The following BICD1 variants were observed in gnomAD, a reference collection of about 807,000 sequenced individuals.
The protein encoded by BICD1 is BICD cargo adaptor 1.
BICD1 carries 35 observed loss-of-function variants against 92.5 expected under a neutral mutation model. The observed-to-expected ratio is 0.38, with a 90% CI of 0.29 to 0.50. The LOEUF is 0.50. Among genes scored for constraint, BICD1 ranks in the 20% least tolerant of loss-of-function variants. BICD1 has a pLI of 0.93. For synonymous variants in BICD1, 429 were observed against 465.1 expected, an observed-to-expected ratio of 0.92 and a Z score of 1.00; for missense variants, 950 against 1,189.8, an observed-to-expected ratio of 0.80 and a Z score of 2.97.
chr12:32,273,380 G>A (rs557777777), intron 2 of BICD1, among the ~76,000 whole-genome samples: 16 of 152,232 alleles, frequency 1.1e-4, no homozygotes, highest in Non-Finnish European at 1.6e-4. Flanking sequence ...AAGGTACAGC[G>A]GGAGAAAGCA....
intron 1 of BICD1, among the ~76,000 whole-genome samples, chr12:32,143,034 C>A (rs893968016): frequency 6.6e-6 from 1 of 152,176 alleles, no homozygotes; most frequent in African/African-American, 2.4e-5. Flanking sequence ...TTATTACCTC[C>A]TGATTATATT....
chr12:32,253,459 G>A (rs890651381), intron 2 of BICD1, among the ~76,000 whole-genome samples: 1 of 150,988 alleles, frequency 6.6e-6, no homozygotes, highest in Admixed American at 6.6e-5. Context: ...AATTTAATTT[G>A]ATGATAAGAG....
At chr12:32,246,029 C>CAAAAAAAA (rs71068311) in intron 2 of BICD1, among the ~76,000 whole-genome samples, 3 of 44,084 alleles carry the variant, frequency 6.8e-5, no homozygotes, top group Non-Finnish European at 1.1e-4. Flanking sequence ...TACTCTGTCT[C>CAAAAAAAA]AAAAAAAAAA....
At chr12:32,207,371 T>C (rs935045355) in intron 1 of BICD1, among the ~76,000 whole-genome samples, 2 of 152,332 alleles carry the variant, frequency 1.3e-5, no homozygotes, top group Non-Finnish European at 2.9e-5. Flanking sequence ...TTGACTATTA[T>C]CTTAGAAAAA....
chr12:32,299,977 C>T (rs371096917), intron 3 of BICD1, among the ~76,000 whole-genome samples: 244 of 152,270 alleles, frequency 1.6e-3, no homozygotes, highest in African/African-American at 5.7e-3. Context: ...ATCTCTCTTG[C>T]GACTACCCAG....
intron 9 of BICD1, among the ~76,000 whole-genome samples, chr12:32,375,931 C>A (rs1939937860): frequency 1.3e-5 from 2 of 151,868 alleles, no homozygotes; most frequent in Admixed American, 1.3e-4. Context: ...TAATAATGAG[C>A]CTTGAATTGT....
At chr12:32,113,575 C>T (rs913777930) in intron 1 of BICD1, among the ~76,000 whole-genome samples, 2 of 150,470 alleles carry the variant, frequency 1.3e-5, no homozygotes, top group Non-Finnish European at 3.0e-5. Flanking sequence ...ACTGAGTCTC[C>T]CTCTGTTTCC....
Position 32,155,309 on chromosome 12 carries a change from G to A in BICD1, c.213+47765G>A, listed in dbSNP as rs187542704. Among the ~76,000 whole-genome samples the A allele has an allele frequency of 1.3e-5, 2 of 152,274 alleles. 1 individual carries two copies. Among genetic ancestry groups the A allele is most frequent in the Admixed American group, 1.3e-4 (2 of 15,302 alleles). ...GCATCCATCCCTGGAGTAACCATCTGTGAATGGTAATGCCATAAGGTAGAG... is the reference window on the plus strand; with the variant it reads ...GCATCCATCCCTGGAGTAACCATCTATGAATGGTAATGCCATAAGGTAGAG... On this transcript the variant is annotated intron_variant, in intron 1 of 9. Coordinates refer to ENST00000652176, the MANE Select transcript of BICD1 (RefSeq NM_001714.4).
intron 1 of BICD1, among the ~76,000 whole-genome samples, chr12:32,168,486 T>C (rs893687227): frequency 2.6e-5 from 4 of 151,906 alleles, no homozygotes; most frequent in Admixed American, 1.3e-4. Context: ...GAGGGTGGGG[T>C]TGGGTGTCCT....
intron 8 of BICD1, among the ~76,000 whole-genome samples, chr12:32,342,204 GTATATATATATATATA>G (rs3075972): frequency 8.4e-6 from 1 of 119,302 alleles, no homozygotes; most frequent in African/African-American, 3.2e-5. Flanking sequence ...GTGTGTGTGT[GTATATATATATATATA>G]TATATATATA....
intron 8 of BICD1, among the ~76,000 whole-genome samples, chr12:32,367,169 T>G (rs185944724): frequency 6.6e-6 from 1 of 152,288 alleles, no homozygotes; most frequent in African/African-American, 2.4e-5. Context: ...TTAATTAAGA[T>G]TCTACTAATC....
At chr12:32,283,845 C>A (rs1947484447) in intron 2 of BICD1, among the ~76,000 whole-genome samples, 1 of 152,204 alleles carries the variant, frequency 6.6e-6, no homozygotes, top group Non-Finnish European at 1.5e-5. Flanking sequence ...CCAGGGGTCC[C>A]AGCCTTCTTG....
rs1379688001 is a variant in BICD1 at position 32,107,323 on chromosome 12, A to C, written c.-9A>C. The C allele has an allele frequency of 1.9e-6, 3 of 1,587,588 alleles. No individual in the cohort carries two copies. Among genetic ancestry groups the C allele is most frequent in the African/African-American group, 1.4e-5 (1 of 73,838 alleles). On this transcript the variant is annotated 5_prime_UTR_variant, in exon 1 of 10. Coordinates refer to ENST00000652176, the MANE Select transcript of BICD1 (RefSeq NM_001714.4). Reference sequence around the variant, plus strand: ...CCGTAACCCCCTCCTGCCTCCATCCACCGGGGCTATGGCCGCAGAAGAGGT... The same window carrying C: ...CCGTAACCCCCTCCTGCCTCCATCCCCCGGGGCTATGGCCGCAGAAGAGGT...
chr12:32,329,967 A>C (rs993286708), intron 5 of BICD1, among the ~76,000 whole-genome samples: 2 of 152,158 alleles, frequency 1.3e-5, no homozygotes, highest in African/African-American at 4.8e-5. Context: ...CAAAGCACCA[A>C]ATACCCTCCT....
At chr12:32,309,580 G>A (rs1331906931) in intron 4 of BICD1, among the ~76,000 whole-genome samples, 1 of 152,146 alleles carries the variant, frequency 6.6e-6, no homozygotes, top group Non-Finnish European at 1.5e-5. Flanking sequence ...GCTGCCCTGG[G>A]AGTTTAGGAC....
chr12:32,317,704 G>T (rs10844181), intron 4 of BICD1, among the ~76,000 whole-genome samples: 3 of 151,998 alleles, frequency 2.0e-5, no homozygotes, highest in East Asian at 1.9e-4. Context: ...GTGCAGAAGC[G>T]CTTTAGTTTA....
intron 2 of BICD1, among the ~76,000 whole-genome samples, chr12:32,230,435 TAAATAAATAAGC>T (rs140091261): frequency 0.42 from 51,881 of 123,164 alleles, 9,370 homozygotes; most frequent in South Asian, 0.52. Flanking sequence ...AATAAATAAA[TAAATAAATAAGC>T]AAGCAAATAA....
At chr12:32,186,573 G>T (rs560797972) in intron 1 of BICD1, among the ~76,000 whole-genome samples, 53 of 152,258 alleles carry the variant, frequency 3.5e-4, no homozygotes, top group African/African-American at 1.2e-3. Context: ...GGTGTTTCAG[G>T]GGGACAGTTG....
rs577687117 is a variant in BICD1, at chr12:32,151,019, A to G, written c.213+43475A>G. The stretch of plus-strand genomic sequence containing the variant: ...TTCAGCAAATACTTGAAAAAAATGT[A>G]GGATCCACTGGCTTATATCTTCTGT... On this transcript the variant is annotated intron_variant, in intron 1 of 9. Coordinates refer to ENST00000652176, the MANE Select transcript of BICD1 (RefSeq NM_001714.4). Among the ~76,000 whole-genome samples the G allele has an allele frequency of 4.3e-4, 66 of 152,330 alleles. 3 individuals are homozygous for G. In the South Asian group the frequency reaches 8.9e-3, roughly 21 times the overall value.
Sources: gnomAD v4.1 joint callset for allele counts (sites outside exome capture counted in the v4.1 genomes callset) on GRCh38, gnomAD v4.1.1 for gene constraint, MANE v1.5 for transcripts, NCBI Gene and HGNC (gene_info 2026-07-23, HGNC 2026-07-21) for gene names.